SNTG2: variants seen among roughly 807,000 people sequenced by gnomAD.
SNTG2 encodes syntrophin gamma 2, also known as gamma-2-syntrophin.
A neutral mutation model predicts 70.9 loss-of-function variants in SNTG2; 74 were observed. That is an observed-to-expected ratio of 1.04 (90% CI 0.86 to 1.27). The LOEUF is 1.27. SNTG2 is among the 50% of genes most tolerant of loss of function. The pLI, the probability that SNTG2 is intolerant of heterozygous loss-of-function variation, is 0.00. For synonymous variants in SNTG2, 278 were observed against 273.8 expected (o/e 1.02, Z -0.15); for missense variants, 717 against 690.7 (o/e 1.04, Z -0.43).
At chr2:1,007,521 T>C (rs1274466172) in intron 1 of SNTG2, among the ~76,000 whole-genome samples, 1 of 152,178 alleles carries the variant, frequency 6.6e-6, no homozygotes, top group Non-Finnish European at 1.5e-5. Context: ...TTGTGAAGAT[T>C]GAAGATGATG....
chr2:1,203,138 C>T lies in SNTG2; in HGVS notation c.592-5965C>T, dbSNP rs569271930. On this transcript the variant is annotated intron_variant, in intron 8 of 16. Coordinates refer to ENST00000308624, the MANE Select transcript of SNTG2 (RefSeq NM_018968.4). ...AATTTCTTTTCATGTGAGCATGGAACATTCAACAAGATAGATGGAATGCTG... is the reference window on the plus strand; with the variant it reads ...AATTTCTTTTCATGTGAGCATGGAATATTCAACAAGATAGATGGAATGCTG... Among the ~76,000 whole-genome samples, 29 of 152,274 alleles carry T rather than the reference C, an allele frequency of 1.9e-4. No individual in the cohort carries two copies. The South Asian group carries it at 5.8e-3, about 30-fold the overall frequency.
At position 1,265,075 on chromosome 2, in the gene SNTG2, A is replaced by G. The variant is rs147965215; in HGVS notation, c.1078-2290A>G. Among the ~76,000 whole-genome samples, 1,488 of 152,338 alleles carry G rather than the reference A, an allele frequency of 9.8e-3. 14 individuals carry two copies. Among genetic ancestry groups the G allele is most frequent in the Non-Finnish European group, 0.015 (989 of 68,038 alleles). ...GTTCAAGGCCCAACTATAATGAGCCATTCAATGGGGGATGTGCGTTCCCAC... is the reference window on the plus strand; with the variant it reads ...GTTCAAGGCCCAACTATAATGAGCCGTTCAATGGGGGATGTGCGTTCCCAC... On this transcript the variant is annotated intron_variant, in intron 13 of 16. Transcript: ENST00000308624.
At chr2:1,308,670 G>T in intron 15 of SNTG2, 84 bp downstream of exon 15, 1 of 1,154,710 alleles carries the variant, frequency 8.7e-7, no homozygotes, top group South Asian at 1.3e-5. Context: ...ACGCATGTCT[G>T]GTAGAAGCCA....
chr2:1,175,747 C>T (rs553298866), intron 8 of SNTG2, among the ~76,000 whole-genome samples: 1 of 152,318 alleles, frequency 6.6e-6, no homozygotes, highest in East Asian at 1.9e-4. Flanking sequence ...GTGCAGTTAT[C>T]CTCAGGGTTT....
chr2:1,041,909 C>A (rs959922763), intron 1 of SNTG2, among the ~76,000 whole-genome samples: 2 of 152,164 alleles, frequency 1.3e-5, no homozygotes, highest in African/African-American at 4.8e-5. Context: ...GTCCTCTGTT[C>A]TGTTCTTTTG....
intron 6 of SNTG2, among the ~76,000 whole-genome samples, chr2:1,153,515 TA>T (rs1422254245): frequency 6.6e-6 from 1 of 152,206 alleles, no homozygotes; most frequent in Non-Finnish European, 1.5e-5. Context: ...GTAAAATGTC[TA>T]AAAAGTGCGT....
intron 4 of SNTG2, among the ~76,000 whole-genome samples, chr2:1,104,447 G>A (rs1202007232): frequency 6.6e-6 from 1 of 152,190 alleles, no homozygotes; most frequent in African/African-American, 2.4e-5. Context: ...ATTCTCTCAA[G>A]ATAATTTAAA....
chr2:988,326 A>G (rs1346267689), intron 1 of SNTG2, among the ~76,000 whole-genome samples: 2 of 152,232 alleles, frequency 1.3e-5, no homozygotes, highest in Non-Finnish European at 2.9e-5. Flanking sequence ...AGTCCATTGC[A>G]GTTAATCCCA....
At chr2:974,382 G>A (rs139869658) in intron 1 of SNTG2, among the ~76,000 whole-genome samples, 1 of 152,316 alleles carries the variant, frequency 6.6e-6, no homozygotes, top group African/African-American at 2.4e-5. Flanking sequence ...AGCTGCACCC[G>A]TTACCTGGCC....
intron 16 of SNTG2, among the ~76,000 whole-genome samples, chr2:1,324,359 T>C (rs1220838670): frequency 1.3e-5 from 2 of 152,126 alleles, no homozygotes; most frequent in East Asian, 3.9e-4. Flanking sequence ...TTCTCAGAAG[T>C]AAAACAATAA....
chr2:1,050,440 C>G (rs1375994649), intron 1 of SNTG2, among the ~76,000 whole-genome samples: 1 of 151,954 alleles, frequency 6.6e-6, no homozygotes, highest in African/African-American at 2.4e-5. Context: ...CCAAACTTCA[C>G]TGCAATACCA....
intron 9 of SNTG2, among the ~76,000 whole-genome samples, chr2:1,218,464 C>G (rs552511811): frequency 6.6e-6 from 1 of 152,220 alleles, no homozygotes; most frequent in African/African-American, 2.4e-5. Flanking sequence ...AGAAATTCAT[C>G]CTTTTAAAAC....
intron 1 of SNTG2, chr2:1,068,343 C>T (rs1432987772): frequency 2.0e-5 from 3 of 152,126 alleles, no homozygotes; most frequent in Admixed American, 1.3e-4. Context: ...GAGTTTTCTC[C>T]TAATATTGGA....
Position 1,209,173 on chromosome 2 carries a change from C to T in SNTG2, c.662C>T (p.Ser221Phe). 2 of 1,614,006 alleles carry T rather than the reference C, an allele frequency of 1.2e-6. No homozygotes were observed. Among genetic ancestry groups the T allele is most frequent in the Non-Finnish European group, 1.7e-6 (2 of 1,179,902 alleles). ...RYEKRWLDTLSVPLSMARISR... is the reference protein window; with the variant it reads ...RYEKRWLDTLFVPLSMARISR... ...GAGAAGCGCTGGCTGGACACCTTGT[C>T]CGTGCCTCTGTCCATGGCTCGCATC... The change falls in exon 9 of 17, where the codon TCC becomes TTC. Residue 221 changes from serine to phenylalanine, a missense_variant. Physicochemically the swap from Ser to Phe is radical, Grantham distance 155 (BLOSUM62 -2). Coordinates refer to ENST00000308624, the MANE Select transcript of SNTG2 (RefSeq NM_018968.4).
At chr2:1,316,507 C>T in intron 16 of SNTG2, 132 bp downstream of exon 16, 3 of 214,760 alleles carry the variant, frequency 1.4e-5, no homozygotes, top group Non-Finnish European at 1.7e-5. Context: ...AGCACGAGTC[C>T]TTCCTGAAAA....
intron 16 of SNTG2, among the ~76,000 whole-genome samples, chr2:1,358,306 A>G (rs963844071): frequency 2.0e-5 from 3 of 151,932 alleles, no homozygotes; most frequent in African/African-American, 7.3e-5. Flanking sequence ...CTTTTCAAAA[A>G]CCAACTCTTA....
chr2:951,713 A>G (rs1659971543), intron 1 of SNTG2, among the ~76,000 whole-genome samples: 1 of 152,242 alleles, frequency 6.6e-6, no homozygotes, highest in African/African-American at 2.4e-5. Context: ...GTTGGCCCAA[A>G]GAAAAACGAA....
At position 1,320,875 on chromosome 2, in the gene SNTG2, A is replaced by G. The variant is rs541256489; in HGVS notation, c.1488+4500A>G. ...GAAAGATACCCAGGGAGGCCCCCCCATGTTTCTGTGTATATTGCTTATATT... is the reference window on the plus strand; with the variant it reads ...GAAAGATACCCAGGGAGGCCCCCCCGTGTTTCTGTGTATATTGCTTATATT... On this transcript the variant is annotated intron_variant, in intron 16 of 16. Transcript: ENST00000308624. Among the ~76,000 whole-genome samples, 6 of 152,196 alleles carry G rather than the reference A, an allele frequency of 3.9e-5. 1 individual carries two copies. Among genetic ancestry groups the G allele is most frequent in the Admixed American group, 3.9e-4 (6 of 15,298 alleles).
chr2:1,196,796 A>T (rs1056861479), intron 8 of SNTG2, among the ~76,000 whole-genome samples: 2 of 152,166 alleles, frequency 1.3e-5, no homozygotes, highest in Non-Finnish European at 2.9e-5. Flanking sequence ...TTCTTCAAAA[A>T]TGAAAGAGAA....
Sources: gnomAD v4.1 joint callset for allele counts (sites outside exome capture counted in the v4.1 genomes callset) on GRCh38, gnomAD v4.1.1 for gene constraint, MANE v1.5 for transcripts, NCBI Gene and HGNC (gene_info 2026-07-23, HGNC 2026-07-21) for gene names.